Variants in IMMP2L observed in about 807,000 individuals in gnomAD.
IMMP2L encodes the protein mitochondrial inner membrane protease subunit 2.
IMMP2L carries 18 observed loss-of-function variants against 19.3 expected under a neutral mutation model. The observed-to-expected ratio is 0.93, with a 90% CI of 0.64 to 1.38. The LOEUF (loss-of-function observed/expected upper bound fraction) is 1.38. Ranked by LOEUF, IMMP2L falls within the 40% of genes most tolerant of loss-of-function variation. The pLI, the probability that IMMP2L is intolerant of heterozygous loss-of-function variation, is 0.00. For missense variants in IMMP2L, 233 were observed against 218.2 expected, an observed-to-expected ratio of 1.07 and a Z score of -0.43; for synonymous variants, 76 against 73.0, an observed-to-expected ratio of 1.04 and a Z score of -0.21.
chr7:111,082,577 T>A (rs750300846), intron 3 of IMMP2L, among the ~76,000 whole-genome samples: 6 of 152,138 alleles, frequency 3.9e-5, no homozygotes, highest in Non-Finnish European at 8.8e-5. Flanking sequence ...GTTTCCTTAG[T>A]AATGGGAACT....
At chr7:111,427,857 CAGT>C (rs1438061663) in intron 3 of IMMP2L, among the ~76,000 whole-genome samples, 1 of 151,812 alleles carries the variant, frequency 6.6e-6, no homozygotes, top group Non-Finnish European at 1.5e-5. Context: ...GCCTCAGGCT[CAGT>C]TCTATTAGGT....
intron 3 of IMMP2L, among the ~76,000 whole-genome samples, chr7:111,302,798 A>T (rs1470342618): frequency 1.3e-5 from 2 of 151,876 alleles, no homozygotes; most frequent in Non-Finnish European, 2.9e-5. Context: ...CCAAAGAAAA[A>T]TATTGCCATA....
intron 1 of IMMP2L, among the ~76,000 whole-genome samples, chr7:111,523,890 T>C (rs983757396): frequency 3.3e-5 from 5 of 152,126 alleles, no homozygotes; most frequent in African/African-American, 1.2e-4. Flanking sequence ...CCAGCTTTAA[T>C]GTGAGCCCTT....
chr7:111,458,989 T>C (rs1839911351), intron 3 of IMMP2L, among the ~76,000 whole-genome samples: 1 of 152,140 alleles, frequency 6.6e-6, no homozygotes. Flanking sequence ...TCTTCACCAT[T>C]TGCTAGTCCT....
intron 1 of IMMP2L, among the ~76,000 whole-genome samples, chr7:111,547,515 C>CCCCGG (rs1176712613): frequency 6.8e-6 from 1 of 147,864 alleles, no homozygotes; most frequent in African/African-American, 2.6e-5. Context: ...ACCCCCCCCC[C>CCCCGG]CTTTTTATCC....
chr7:111,215,612 G>A (rs1269489501), intron 3 of IMMP2L, among the ~76,000 whole-genome samples: 1 of 151,946 alleles, frequency 6.6e-6, no homozygotes, highest in East Asian at 1.9e-4. Context: ...TAAAAGAAAG[G>A]TTAGATACAA....
chr7:111,502,442 A>T (rs1844386007), intron 2 of IMMP2L, among the ~76,000 whole-genome samples: 1 of 152,148 alleles, frequency 6.6e-6, no homozygotes, highest in Non-Finnish European at 1.5e-5. Context: ...ATATCCAGGA[A>T]TTGAACTCAC....
intron 5 of IMMP2L, among the ~76,000 whole-genome samples, chr7:110,846,366 T>TTTTG (rs1554435800): frequency 5.0e-4 from 57 of 113,150 alleles, no homozygotes; most frequent in African/African-American, 1.7e-3. Flanking sequence ...TTTTTTTTTT[T>TTTTG]TTGTTGTTGT....
At chr7:111,268,953 G>A (rs185470812) in intron 3 of IMMP2L, among the ~76,000 whole-genome samples, 1 of 152,122 alleles carries the variant, frequency 6.6e-6, no homozygotes, top group African/African-American at 2.4e-5. Context: ...GTAAATTGGA[G>A]GCATCTGCAA....
At chr7:111,547,010 G>C (rs539273530) in intron 1 of IMMP2L, among the ~76,000 whole-genome samples, 34 of 152,240 alleles carry the variant, frequency 2.2e-4, no homozygotes, top group African/African-American at 7.9e-4. Flanking sequence ...GGCAAGCAGA[G>C]CCAGGTAGGA....
At chr7:111,372,474 C>T (rs1252948168) in intron 3 of IMMP2L, among the ~76,000 whole-genome samples, 2 of 151,964 alleles carry the variant, frequency 1.3e-5, no homozygotes, top group Non-Finnish European at 2.9e-5. Context: ...CACCAGATCC[C>T]ACTGGCTACT....
intron 3 of IMMP2L, among the ~76,000 whole-genome samples, chr7:111,203,924 G>A (rs1472080082): frequency 2.0e-5 from 3 of 151,884 alleles, no homozygotes; most frequent in Admixed American, 6.6e-5. Flanking sequence ...AATTTTCTTA[G>A]GAATAGTTTA....
intron 3 of IMMP2L, among the ~76,000 whole-genome samples, chr7:110,990,684 C>T (rs1259127050): frequency 1.3e-5 from 2 of 152,138 alleles, no homozygotes; most frequent in African/African-American, 4.8e-5. Context: ...GTGTAAGCCT[C>T]CTAACCAGGC....
intron 5 of IMMP2L, among the ~76,000 whole-genome samples, chr7:110,692,508 CTT>C (rs965811320): frequency 4.4e-5 from 6 of 136,396 alleles, no homozygotes; most frequent in Non-Finnish European, 6.6e-5. Flanking sequence ...AAAAAAAAAG[CTT>C]TGCTTGGTAA....
intron 2 of IMMP2L, among the ~76,000 whole-genome samples, chr7:111,514,599 A>G (rs1188609668): frequency 6.6e-6 from 1 of 152,156 alleles, no homozygotes; most frequent in African/African-American, 2.4e-5. Context: ...AAACATCATT[A>G]CATCACTTAC....
At chr7:111,189,365 T>A in intron 3 of IMMP2L, among the ~76,000 whole-genome samples, 1 of 65,280 alleles carries the variant, frequency 1.5e-5, no homozygotes, top group African/African-American at 5.7e-5. Flanking sequence ...TCACCCACCT[T>A]TTTTAATGAA....
At chr7:110,930,613 TA>T (rs1262708512) in intron 4 of IMMP2L, among the ~76,000 whole-genome samples, 2 of 152,194 alleles carry the variant, frequency 1.3e-5, no homozygotes, top group Non-Finnish European at 2.9e-5. Context: ...AGTAATGGCA[TA>T]AACTATAACA....
chr7:111,146,738 A>G (rs1024409343), intron 3 of IMMP2L, among the ~76,000 whole-genome samples: 1 of 152,150 alleles, frequency 6.6e-6, no homozygotes, highest in East Asian at 1.9e-4. Context: ...TGGATGAAAA[A>G]GGGAATTAAG....
intron 3 of IMMP2L, among the ~76,000 whole-genome samples, chr7:111,299,204 T>C (rs1047297733): frequency 1.3e-5 from 2 of 152,026 alleles, no homozygotes; most frequent in African/African-American, 4.8e-5. Flanking sequence ...CCAAATACAT[T>C]TGAGAAAGAG....
Sources: gnomAD v4.1 joint callset for allele counts (sites outside exome capture counted in the v4.1 genomes callset) on GRCh38, gnomAD v4.1.1 for gene constraint, MANE v1.5 for transcripts, NCBI Gene and HGNC (gene_info 2026-07-23, HGNC 2026-07-21) for gene names.